SPSB1: variants seen among roughly 807,000 people sequenced by gnomAD.
The protein encoded by SPSB1 is splA/ryanodine receptor domain and SOCS box containing 1.
SPSB1 carries 8 observed loss-of-function variants against 21.2 expected under a neutral mutation model. That is an observed-to-expected ratio of 0.38 (90% CI 0.22 to 0.68). The LOEUF is 0.68. SPSB1 is among the 30% of genes least tolerant of loss of function. The probability of loss-of-function intolerance (pLI) is 0.53; values close to 1 mark genes in which losing one functional copy is unlikely to be tolerated. For missense variants in SPSB1, 242 were observed against 377.8 expected (o/e 0.64, Z 2.98); for synonymous variants, 169 against 161.7 (o/e 1.05, Z -0.34).
intron 1 of SPSB1, among the ~76,000 whole-genome samples, chr1:9,295,215 TGAGTGTGTGTGTGTGTGTGTGTGTGTGC>T (rs1639199231): frequency 3.7e-5 from 3 of 81,290 alleles, no homozygotes; most frequent in Non-Finnish European, 7.6e-5. Context: ...TGTGAGAGTG[TGAGTGTGTGTGTGTGTGTGTGTGTGTGC>T]GCGCGTGCGG....
In SPSB1 at chr1:9,346,315, T is replaced by C. The variant is rs1640166086; in HGVS notation, c.-149-9428T>C. On this transcript the variant is annotated intron_variant, in intron 1 of 2. Transcript: ENST00000328089. The surrounding 1 kb of genome is among the most constrained non-coding windows in gnomAD (Gnocchi z 4.4). ...TCTTGGGGCAAAACAATGGTTTTAC[T>C]GTTCTGGGGTCAGTCGGACACACTG... Among the ~76,000 whole-genome samples, 1 of 152,218 alleles carries C rather than the reference T, an allele frequency of 6.6e-6. No homozygotes were observed. Among genetic ancestry groups the C allele is most frequent in the African/African-American group, 2.4e-5 (1 of 41,468 alleles).
chr1:9,297,327 G>T (rs1309461775), intron 1 of SPSB1, among the ~76,000 whole-genome samples: 1 of 152,162 alleles, frequency 6.6e-6, no homozygotes, highest in Non-Finnish European at 1.5e-5. Flanking sequence ...CTTGAGAAAT[G>T]ACTGCTGAGT....
chr1:9,316,970 C>T (rs1014545855), intron 1 of SPSB1, among the ~76,000 whole-genome samples: 1 of 152,072 alleles, frequency 6.6e-6, no homozygotes, highest in Non-Finnish European at 1.5e-5. Context: ...TCCCAGGCCC[C>T]GTAGCAGGGC....
chr1:9,338,608 A>G (rs991292882), intron 1 of SPSB1, among the ~76,000 whole-genome samples: 4 of 152,264 alleles, frequency 2.6e-5, no homozygotes, highest in African/African-American at 9.6e-5. Flanking sequence ...TTGCCTGGGA[A>G]CCAGAGAGTT....
At chr1:9,295,057 A>T (rs1164847451) in intron 1 of SPSB1, among the ~76,000 whole-genome samples, 1 of 152,202 alleles carries the variant, frequency 6.6e-6, no homozygotes, top group East Asian at 1.9e-4. Context: ...TACTGTCCCC[A>T]GCACTGAGGT....
rs1026450634 is a variant in SPSB1, at chr1:9,317,829, G to A, written c.-150+24758G>A. On this transcript the variant is annotated intron_variant, in intron 1 of 2. Transcript: ENST00000328089. The surrounding 1 kb of genome is among the most constrained non-coding windows in gnomAD (Gnocchi z 4.3). ...TTATGTAGGTGATTTCCGGTGGCGA[G>A]GGAACCAATTTTTTTTTTTTTTTTT... is the stretch of plus-strand genomic sequence containing the variant. Among the ~76,000 whole-genome samples the A allele has an allele frequency of 7.3e-6, 1 of 137,020 alleles. No homozygotes were observed. The highest frequency in any genetic ancestry group is 2.6e-5 in the African/African-American group (1 of 38,176). 89.9% of individuals were successfully genotyped at this position (137,020 alleles called of 152,430 possible). A position where few individuals can be genotyped will look rare whatever the true frequency, so the allele number is the denominator to read the frequency against.
At chr1:9,299,260 G>T (rs926792629) in intron 1 of SPSB1, among the ~76,000 whole-genome samples, 5 of 152,194 alleles carry the variant, frequency 3.3e-5, no homozygotes, top group Admixed American at 2.6e-4. Context: ...GCCCCTTGGC[G>T]GTCTGGGCTG....
Position 9,367,430 on chromosome 1 carries a change from G to T in SPSB1, c.695-18G>T. ...CCCACCCAAGCTGCGCTGACCTGCA[G>T]TTTCTCTGTCTCCCCAGCCGAGCCG... is the stretch of plus-strand genomic sequence containing the variant. On this transcript the variant is annotated intron_variant, in intron 2 of 2. Coordinates refer to ENST00000328089, the MANE Select transcript of SPSB1 (RefSeq NM_025106.4). The surrounding 1 kb of genome is among the most constrained non-coding windows in gnomAD (Gnocchi z 5.9). 6.2e-7 allele frequency: 1 copy of T among 1,613,182 alleles called. No homozygotes were observed.
intron 1 of SPSB1, among the ~76,000 whole-genome samples, chr1:9,344,415 G>A (rs930660710): frequency 6.6e-6 from 1 of 152,192 alleles, no homozygotes; most frequent in Non-Finnish European, 1.5e-5. Context: ...ACAGAGGGAG[G>A]CCTGTGGGTC....
In SPSB1 at chr1:9,356,266, C is replaced by G. The variant is rs1177526073; in HGVS notation, c.375C>G (p.His125Gln). Residue 125 changes from histidine (H) to glutamine (Q), a missense_variant, in exon 2 of 3, where the codon CAC becomes CAG. By Grantham distance (24) the His-to-Gln change is conservative. Coordinates refer to ENST00000328089, the MANE Select transcript of SPSB1 (RefSeq NM_025106.4). The surrounding 1 kb of genome is among the most constrained non-coding windows in gnomAD (Gnocchi z 7.4). ...VGVATADAPL[H>Q]SVGYTTLVGN... ...TGGCGACGGCAGACGCCCCCCTGCA[C>G]TCTGTCGGGTACACAACCCTCGTGG... 6.2e-7 allele frequency: 1 copy of G among 1,612,630 alleles called. No homozygotes were observed. The highest frequency in any genetic ancestry group is 8.5e-7 in the Non-Finnish European group (1 of 1,179,474).
intron 1 of SPSB1, among the ~76,000 whole-genome samples, chr1:9,326,082 C>T (rs1321709852): frequency 6.6e-6 from 1 of 152,016 alleles, no homozygotes; most frequent in Middle Eastern, 3.2e-3. Context: ...CTTAGTTCAT[C>T]TGTCCCCAGG....
intron 1 of SPSB1, among the ~76,000 whole-genome samples, chr1:9,300,136 T>C (rs61783492): frequency 0.4 from 61,068 of 151,922 alleles, 12,943 homozygotes; most frequent in South Asian, 0.55. Flanking sequence ...TCTCCCTTAG[T>C]GAAATTTCTC....
At chr1:9,328,084 T>A (rs1367606362) in intron 1 of SPSB1, among the ~76,000 whole-genome samples, 1 of 152,196 alleles carries the variant, frequency 6.6e-6, no homozygotes, top group Non-Finnish European at 1.5e-5. Flanking sequence ...CTGGAGCAGG[T>A]GATGAACAGC....
At chr1:9,350,021 A>G (rs1417844707) in intron 1 of SPSB1, among the ~76,000 whole-genome samples, 1 of 152,022 alleles carries the variant, frequency 6.6e-6, no homozygotes, top group African/African-American at 2.4e-5. Context: ...GCACATATAT[A>G]CACACATGAA....
chr1:9,352,863 TCC>T (rs898611701), intron 1 of SPSB1, among the ~76,000 whole-genome samples: 6 of 139,032 alleles, frequency 4.3e-5, no homozygotes, highest in African/African-American at 1.6e-4. Context: ...TCCTCACTCT[TCC>T]CACCTGCTCC....
chr1:9,314,555 C>T (rs1639578596), intron 1 of SPSB1, among the ~76,000 whole-genome samples: 3 of 152,182 alleles, frequency 2.0e-5, no homozygotes, highest in South Asian at 2.1e-4. Flanking sequence ...AGCAAGACCC[C>T]AGATATTTGC....
At chr1:9,366,929 A>C (rs1464590401) in intron 2 of SPSB1, among the ~76,000 whole-genome samples, 1 of 152,208 alleles carries the variant, frequency 6.6e-6, no homozygotes, top group African/African-American at 2.4e-5. Flanking sequence ...CTGGTAACAG[A>C]AAATGATTCC....
intron 1 of SPSB1, among the ~76,000 whole-genome samples, chr1:9,312,411 G>A (rs985142689): frequency 2.0e-5 from 3 of 152,058 alleles, no homozygotes; most frequent in Admixed American, 6.6e-5. Context: ...GGGTTCTTTC[G>A]TAACAGCCCT....
intron 1 of SPSB1, among the ~76,000 whole-genome samples, chr1:9,325,149 TC>T (rs1639794276): frequency 1.3e-5 from 2 of 150,110 alleles, no homozygotes; most frequent in Admixed American, 6.8e-5. Context: ...AGACTGGGCT[TC>T]CCCCAGCCGG....
Sources: gnomAD v4.1 joint callset for allele counts (sites outside exome capture counted in the v4.1 genomes callset) on GRCh38, gnomAD v4.1.1 for gene constraint, Gnocchi (gnomAD v3.1) non-coding constraint, MANE v1.5 for transcripts, NCBI Gene and HGNC (gene_info 2026-07-23, HGNC 2026-07-21) for gene names.